The following SUN1 variants were observed in gnomAD, a reference collection of about 807,000 sequenced individuals.
The protein encoded by SUN1 is Sad1 and UNC84 domain containing 1.
A neutral mutation model predicts 103.2 loss-of-function variants in SUN1; 61 were observed. The observed-to-expected ratio is 0.59, with a 90% confidence interval of 0.48 to 0.73. The LOEUF is 0.73. Among genes scored for constraint, SUN1 ranks in the 30% least tolerant of loss-of-function variants. The probability of loss-of-function intolerance (pLI) is 0.00; values close to 1 mark genes in which losing one functional copy is unlikely to be tolerated. For missense variants in SUN1, 1,052 were observed against 1,034.6 expected (o/e 1.02, Z -0.23); for synonymous variants, 490 against 425.7 (o/e 1.15, Z -1.86).
At chr7:825,667 A>G (rs1791057613) in intron 1 of SUN1, among the ~76,000 whole-genome samples, 1 of 152,232 alleles carries the variant, frequency 6.6e-6, no homozygotes, top group African/African-American at 2.4e-5. Flanking sequence ...TCATAAACCA[A>G]CAGTTGTTTT....
At chr7:865,538 C>T (rs1051469136) in intron 15 of SUN1, among the ~76,000 whole-genome samples, 1 of 152,246 alleles carries the variant, frequency 6.6e-6, no homozygotes, top group Non-Finnish European at 1.5e-5. Flanking sequence ...ACAAGCAGTG[C>T]TGCACAAAGA....
At chr7:823,483 A>T (rs1788358924) in intron 1 of SUN1, among the ~76,000 whole-genome samples, 1 of 152,114 alleles carries the variant, frequency 6.6e-6, no homozygotes, top group Non-Finnish European at 1.5e-5. Context: ...GCAGGAGGAC[A>T]TTCATTGCAA....
intron 5 of SUN1, among the ~76,000 whole-genome samples, chr7:844,151 C>G (rs544676688): frequency 2.6e-5 from 4 of 152,348 alleles, no homozygotes; most frequent in African/African-American, 7.2e-5. Flanking sequence ...GCAGGAGAGA[C>G]AGAACCACAG....
At chr7:850,812 A>G (rs550244454) in intron 5 of SUN1, 70 of 151,546 alleles carry the variant, frequency 4.6e-4, no homozygotes, top group African/African-American at 1.6e-3. Flanking sequence ...AACAGATTTC[A>G]TGAGCAGTTT....
Position 858,491 on chromosome 7 carries a change from C to T in SUN1, c.1524+534C>T, listed in dbSNP as rs771897290. 2.6e-5 allele frequency among the ~76,000 whole-genome samples: 4 copies of T among 152,344 alleles called. No homozygotes were observed. In the South Asian group the frequency reaches 8.3e-4, roughly 32 times the overall value. ...TTCCAGCACCACTGTGCGTCAGCAC[C>T]CACCATGCGTCTTCCCAGTCTCCTT... On this transcript the variant is annotated intron_variant, in intron 13 of 18. Coordinates refer to ENST00000401592, the MANE Select transcript of SUN1 (RefSeq NM_001130965.3).
chr7:839,907 TA>T (rs1388558579), intron 2 of SUN1, among the ~76,000 whole-genome samples: 2 of 152,220 alleles, frequency 1.3e-5, no homozygotes, highest in Non-Finnish European at 2.9e-5. Context: ...GACAAATACA[TA>T]AAGTTTAGGT....
rs60786080 is a variant in SUN1 at position 867,346 on chromosome 7, C to T, written c.1980+1279C>T. On this transcript the variant is annotated intron_variant, in intron 16 of 18. Transcript: ENST00000401592. Reference sequence around the variant, plus strand: ...TGCCAGCTCACGAGTGCCACCGGCACAGTCTGTGTCACCTGGCAGGGCCAA... The same window carrying T: ...TGCCAGCTCACGAGTGCCACCGGCATAGTCTGTGTCACCTGGCAGGGCCAA... Among the ~76,000 whole-genome samples, 556 of 152,386 alleles carry T rather than the reference C, an allele frequency of 3.6e-3. 3 individuals carry two copies. Among genetic ancestry groups the T allele is most frequent in the African/African-American group, 0.013 (531 of 41,598 alleles).
chr7:872,405 A>G (rs1585406221), intron 17 of SUN1, 65 bp from the exon 18 acceptor site: 2 of 1,358,536 alleles, frequency 1.5e-6, no homozygotes, highest in Non-Finnish European at 2.1e-6. Context: ...TGTGGAAGGG[A>G]ACGGTCCTCT....
chr7:858,506 C>T lies in SUN1; in HGVS notation c.1524+549C>T, dbSNP rs1313090482. On this transcript the variant is annotated intron_variant, in intron 13 of 18. Transcript: ENST00000401592. Reference sequence around the variant, plus strand: ...GCGTCAGCACCCACCATGCGTCTTCCCAGTCTCCTTGGTATGCGTCCTTGG... The same window carrying T: ...GCGTCAGCACCCACCATGCGTCTTCTCAGTCTCCTTGGTATGCGTCCTTGG... Among the ~76,000 whole-genome samples the T allele has an allele frequency of 3.9e-5, 6 of 152,376 alleles. No individual in the cohort carries two copies. In the South Asian group the frequency reaches 1.2e-3, roughly 32 times the overall value.
intron 1 of SUN1, among the ~76,000 whole-genome samples, chr7:823,365 T>A (rs1182479975): frequency 1.3e-5 from 2 of 152,160 alleles, no homozygotes; most frequent in Non-Finnish European, 1.5e-5. Context: ...CTGGTGGTGG[T>A]ATCTCTGCTG....
At chr7:866,279 C>T (rs1413447652) in intron 16 of SUN1, among the ~76,000 whole-genome samples, 1 of 152,216 alleles carries the variant, frequency 6.6e-6, no homozygotes, top group African/African-American at 2.4e-5. Context: ...GGTTTAGCGT[C>T]ACACAGATGG....
At position 860,175 on chromosome 7, in the gene SUN1, T is replaced by C; in HGVS notation, c.1572T>C (p.Asp524=). 5.0e-6 allele frequency: 8 copies of C among 1,614,216 alleles called. No individual in the cohort carries two copies. The highest frequency in any genetic ancestry group is 6.8e-6 in the Non-Finnish European group (8 of 1,180,036). ...REMVKLLFSE[D]QQGGSLEQLL... ...TGGTGAAACTCCTGTTTTCCGAAGA[T>C]CAGCAAGGCGGTTCTCTGGAACAGC... Residue 524 remains aspartate, a synonymous_variant, in exon 14 of 19, where the codon GAT becomes GAC. Transcript: ENST00000401592.
chr7:838,751 T>A (rs768774415), intron 1 of SUN1, 47 bp from the exon 2 acceptor site: 6 of 1,450,630 alleles, frequency 4.1e-6, no homozygotes, highest in Non-Finnish European at 4.6e-6. Flanking sequence ...TGTTTCAGAA[T>A]GGGGGCTATA....
At chr7:844,316 G>C (rs1438555710) in intron 5 of SUN1, among the ~76,000 whole-genome samples, 2 of 152,238 alleles carry the variant, frequency 1.3e-5, no homozygotes, top group Non-Finnish European at 2.9e-5. Flanking sequence ...CAAGCCCTTA[G>C]CAGCTTGTCC....
At chr7:828,598 A>G (rs528067802), upstream of SUN1, among the ~76,000 whole-genome samples, 2 of 152,280 alleles carry the variant, frequency 1.3e-5, no homozygotes, top group East Asian at 3.9e-4. Context: ...AAAGAAACCT[A>G]AGCCGTAGGT....
intron 15 of SUN1, among the ~76,000 whole-genome samples, chr7:864,192 T>A (rs926977141): frequency 1.3e-5 from 2 of 152,014 alleles, no homozygotes; most frequent in Non-Finnish European, 2.9e-5. Context: ...AAAAATGGGG[T>A]ACCCATCCCC....
intron 9 of SUN1, 131 bp downstream of exon 9, chr7:853,083 CA>C (rs1823782772): frequency 7.9e-7 from 1 of 1,267,384 alleles, no homozygotes; most frequent in African/African-American, 1.5e-5. Context: ...GTCAGATAAG[CA>C]AGTCTTTGGA....
chr7:838,965 C>T lies in SUN1; in HGVS notation c.245C>T (p.Ser82Phe). 1 of 1,596,070 alleles carries T rather than the reference C, an allele frequency of 6.3e-7. No individual in the cohort carries two copies. The highest frequency in any genetic ancestry group is 1.8e-5 in the Admixed American group (1 of 57,128). The change falls in exon 2 of 19, where the codon TCC (serine) becomes TTC (phenylalanine). Residue 82 changes from serine to phenylalanine, a missense_variant. Ser to Phe is a radical substitution (Grantham distance 155). This residue lies in a region of SUN1 where 846 missense variants were observed against 774.5 expected (regional missense o/e 1.09). Coordinates refer to ENST00000401592, the MANE Select transcript of SUN1 (RefSeq NM_001130965.3). ...GADSGTSSAVSLKNRAARTTK... is the reference protein window; with the variant it reads ...GADSGTSSAVFLKNRAARTTK... The stretch of plus-strand genomic sequence containing the variant: ...GACAGCGGCACCAGCAGCGCTGTCT[C>T]CCTGAAGAACCGAGCGGCCAGGTGA...
chr7:857,197 C>T (rs946933073), intron 12 of SUN1, among the ~76,000 whole-genome samples: 2 of 152,172 alleles, frequency 1.3e-5, no homozygotes, highest in Non-Finnish European at 1.5e-5. Flanking sequence ...TGTGGTTTCC[C>T]GAGGTCCCCG....
Sources: allele counts gnomAD v4.1 joint callset (sites outside exome capture counted in the v4.1 genomes callset), GRCh38; gene constraint gnomAD v4.1.1; regional missense constraint gnomAD v4.1.1; transcripts MANE v1.5; gene names NCBI Gene and HGNC (gene_info 2026-07-23, HGNC 2026-07-21).